The following EPHB1 variants were observed in gnomAD, a reference collection of about 807,000 sequenced individuals.
EPHB1 encodes ephrin type-B receptor 1.
Under a neutral mutation model 94.4 loss-of-function variants are expected in EPHB1, and 30 were observed. The ratio of observed to expected loss-of-function variants is 0.32; its 90% confidence interval spans 0.24 to 0.43. The LOEUF (loss-of-function observed/expected upper bound fraction) is 0.43, where lower values mean the gene tolerates loss of function less well. Among genes scored for constraint, EPHB1 ranks in the 20% least tolerant of loss-of-function variants. The pLI, the probability that EPHB1 is intolerant of heterozygous loss-of-function variation, is 1.00. For synonymous variants in EPHB1, 522 were observed against 489.1 expected (o/e 1.07, Z -0.89); for missense variants, 1,055 against 1,308.3 (o/e 0.81, Z 2.99).
chr3:134,801,794 C>T (rs147609965), intron 1 of EPHB1, among the ~76,000 whole-genome samples: 1 of 152,196 alleles, frequency 6.6e-6, no homozygotes, highest in East Asian at 1.9e-4. Flanking sequence ...GGGTGGGGGG[C>T]ATTGAGTGGT....
chr3:135,103,896 A>G (rs568383615), intron 3 of EPHB1, among the ~76,000 whole-genome samples: 10 of 152,346 alleles, frequency 6.6e-5, no homozygotes, highest in African/African-American at 2.4e-4. Flanking sequence ...GTCCTCCATC[A>G]GAAACCTCAG....
At chr3:135,064,709 C>T (rs1191032322) in intron 3 of EPHB1, among the ~76,000 whole-genome samples, 4 of 151,656 alleles carry the variant, frequency 2.6e-5, no homozygotes, top group Admixed American at 2.6e-4. Flanking sequence ...TCATTTAATT[C>T]TGCTCTGATC....
intron 3 of EPHB1, among the ~76,000 whole-genome samples, chr3:135,069,344 T>C (rs1937632377): frequency 6.6e-6 from 1 of 152,092 alleles, no homozygotes; most frequent in African/African-American, 2.4e-5. Context: ...GCAGGGGATT[T>C]CATAGTGCTC....
intron 3 of EPHB1, among the ~76,000 whole-genome samples, chr3:135,056,760 G>A (rs542902928): frequency 1.4e-4 from 21 of 152,228 alleles, no homozygotes; most frequent in African/African-American, 5.1e-4. Context: ...CCTCGCAGAC[G>A]AGACAGGTGG....
At chr3:134,999,964 A>G (rs1339046454) in intron 3 of EPHB1, among the ~76,000 whole-genome samples, 1 of 152,212 alleles carries the variant, frequency 6.6e-6, no homozygotes, top group Non-Finnish European at 1.5e-5. Flanking sequence ...TGTTAAGTAC[A>G]TAGGCTGCAG....
At chr3:134,973,092 CT>C (rs1446695964) in intron 3 of EPHB1, among the ~76,000 whole-genome samples, 1 of 152,210 alleles carries the variant, frequency 6.6e-6, no homozygotes, top group Non-Finnish European at 1.5e-5. Flanking sequence ...ATAGATAAAT[CT>C]GGCACAGTTA....
chr3:134,892,726 C>T (rs1222723643), intron 1 of EPHB1, among the ~76,000 whole-genome samples: 1 of 152,062 alleles, frequency 6.6e-6, no homozygotes, highest in African/African-American at 2.4e-5. Flanking sequence ...CTCTGTAGGT[C>T]TCTATTCTCT....
rs575181237 is a variant in EPHB1 at position 134,814,265 on chromosome 3, T to C, written c.58+18576T>C. On this transcript the variant is annotated intron_variant, in intron 1 of 15. Transcript: ENST00000398015. Reference sequence around the variant, plus strand: ...GATGGTTCAGGCAAGGAATCTGTCATTGAAGAGACTTTTTGCTAGGGTATA... The same window carrying C: ...GATGGTTCAGGCAAGGAATCTGTCACTGAAGAGACTTTTTGCTAGGGTATA... 1.4e-3 allele frequency among the ~76,000 whole-genome samples: 209 copies of C among 152,304 alleles called. 1 individual carries two copies. Among genetic ancestry groups the C allele is most frequent in the South Asian group, 8.7e-3 (42 of 4,824 alleles).
intron 1 of EPHB1, among the ~76,000 whole-genome samples, chr3:134,906,344 A>T (rs559141050): frequency 1.3e-5 from 2 of 152,160 alleles, no homozygotes; most frequent in African/African-American, 2.4e-5. Flanking sequence ...ATTTTTGTTC[A>T]TTGAGTATCC....
intron 3 of EPHB1, among the ~76,000 whole-genome samples, chr3:135,028,238 G>A (rs1348594894): frequency 6.8e-6 from 1 of 146,984 alleles, no homozygotes; most frequent in African/African-American, 2.6e-5. Flanking sequence ...GTTCTGCTCT[G>A]ATTTTAGTTA....
intron 3 of EPHB1, among the ~76,000 whole-genome samples, chr3:135,013,087 C>T (rs1278533054): frequency 6.6e-6 from 1 of 152,044 alleles, no homozygotes; most frequent in Non-Finnish European, 1.5e-5. Context: ...CAAAATCATC[C>T]CCACCTTTAC....
At chr3:135,082,922 A>G (rs1938213908) in intron 3 of EPHB1, among the ~76,000 whole-genome samples, 1 of 152,080 alleles carries the variant, frequency 6.6e-6, no homozygotes, top group African/African-American at 2.4e-5. Flanking sequence ...CCAGCATGGG[A>G]CGTTCTGTAG....
chr3:134,803,724 G>C (rs1236673139), intron 1 of EPHB1, among the ~76,000 whole-genome samples: 1 of 152,214 alleles, frequency 6.6e-6, no homozygotes, highest in Non-Finnish European at 1.5e-5. Flanking sequence ...ACTGGCTCAA[G>C]AGCGAAGTTT....
intron 2 of EPHB1, among the ~76,000 whole-genome samples, chr3:134,938,511 A>G (rs1385721842): frequency 6.6e-6 from 1 of 152,196 alleles, no homozygotes; most frequent in African/African-American, 2.4e-5. Context: ...GCCATGGCCA[A>G]CACCTCAGCT....
chr3:134,981,776 G>A (rs2107733737), intron 3 of EPHB1, among the ~76,000 whole-genome samples: 1 of 152,344 alleles, frequency 6.6e-6, no homozygotes, highest in South Asian at 2.1e-4. Context: ...GTTCTTTGGA[G>A]AAGTTAATAA....
intron 11 of EPHB1, among the ~76,000 whole-genome samples, chr3:135,200,877 G>A (rs771863434): frequency 6.6e-6 from 1 of 152,186 alleles, no homozygotes; most frequent in Non-Finnish European, 1.5e-5. Flanking sequence ...TCGATTGTTG[G>A]AGGGAAAACA....
intron 3 of EPHB1, among the ~76,000 whole-genome samples, chr3:135,050,756 C>T (rs907446788): frequency 6.6e-6 from 1 of 152,122 alleles, no homozygotes; most frequent in African/African-American, 2.4e-5. Flanking sequence ...GGCACCTCCC[C>T]CATGCTCTCT....
intron 1 of EPHB1, among the ~76,000 whole-genome samples, chr3:134,835,142 C>T (rs2036650313): frequency 6.6e-6 from 1 of 152,184 alleles, no homozygotes; most frequent in Admixed American, 6.5e-5. Context: ...CAGGTAACTG[C>T]AGGAGTAGCT....
chr3:135,088,033 C>G (rs1430296434), intron 3 of EPHB1, among the ~76,000 whole-genome samples: 5 of 152,124 alleles, frequency 3.3e-5, no homozygotes, highest in Admixed American at 3.3e-4. Context: ...TGACATAGAC[C>G]ATACTTATTT....
Sources: gnomAD v4.1 joint callset for allele counts (sites outside exome capture counted in the v4.1 genomes callset) on GRCh38, gnomAD v4.1.1 for gene constraint, MANE v1.5 for transcripts, NCBI Gene and HGNC (gene_info 2026-07-23, HGNC 2026-07-21) for gene names.